The following CST3 variants were observed in gnomAD, a reference collection of about 807,000 sequenced individuals.
CST3 encodes cystatin-C.
Under a neutral mutation model 9.0 loss-of-function variants are expected in CST3, and 14 were observed. That is an observed-to-expected ratio of 1.56 (90% CI 1.03 to 2.44). The LOEUF is 2.44. Among genes scored for constraint, CST3 ranks in the 30% most tolerant of loss-of-function variants. CST3 has a pLI of 0.00. For missense variants in CST3, 237 were observed against 204.3 expected (o/e 1.16, Z -0.98); for synonymous variants, 96 against 90.2 (o/e 1.06, Z -0.37).
At chr20:23,630,959 A>T (rs558680056), downstream of CST3, among the ~76,000 whole-genome samples, 1 of 152,306 alleles carries the variant, frequency 6.6e-6, no homozygotes, top group African/African-American at 2.4e-5. Flanking sequence ...GAAAAGCAGG[A>T]AGGTATTGCA....
chr20:23,637,391 A>G (rs992018883), intron 1 of CST3, among the ~76,000 whole-genome samples: 10 of 152,180 alleles, frequency 6.6e-5, no homozygotes, highest in Non-Finnish European at 1.5e-4. Context: ...AGCTGATCTT[A>G]GGCGCCGGGC....
chr20:23,628,978 T>A (rs1979349339), downstream of CST3: 1 of 152,186 alleles, frequency 6.6e-6, no homozygotes, highest in Admixed American at 6.5e-5. Flanking sequence ...GTCTTTTTTA[T>A]CTTCACACTC....
Position 23,637,711 on chromosome 20 carries a change from C to G in CST3, c.152G>C (p.Arg51Pro). ...CTCGCCGACGGCAAAGTCCAGTGCA[C>G]GCCGCACACCCTCCTCCTCCACGCT... ...DASVEEEGVR[R>P]ALDFAVGEYN... The change falls in exon 1 of 3, where the codon CGT (arginine) becomes CCT (proline). Residue 51 changes from arginine to proline, a missense_variant. By Grantham distance (103) the Arg-to-Pro change is moderately radical. Coordinates refer to ENST00000376925, the MANE Select transcript of CST3 (RefSeq NM_000099.4). The G allele has an allele frequency of 6.5e-7, 1 of 1,544,678 alleles. No individual in the cohort carries two copies. Among genetic ancestry groups the G allele is most frequent in the South Asian group, 1.2e-5 (1 of 83,122 alleles).
At chr20:23,634,985 CAT>C (rs1053754725) in intron 2 of CST3, among the ~76,000 whole-genome samples, 1 of 152,104 alleles carries the variant, frequency 6.6e-6, no homozygotes, top group African/African-American at 2.4e-5. Context: ...CACCCCCACA[CAT>C]ATGTGCACAC....
At chr20:23,635,190 A>C in intron 2 of CST3, 64 bp downstream of exon 2, 2 of 1,336,408 alleles carry the variant, frequency 1.5e-6, no homozygotes, top group Non-Finnish European at 2.1e-6. Context: ...CATCACACAC[A>C]CACACACACA....
chr20:23,631,157 C>T (rs1368025709), downstream of CST3, among the ~76,000 whole-genome samples: 3 of 151,806 alleles, frequency 2.0e-5, no homozygotes, highest in South Asian at 2.1e-4. Context: ...CTAAAAGATA[C>T]AAAAATATTA....
chr20:23,635,337 C>T lies in CST3; in HGVS notation c.274G>A (p.Val92Met), dbSNP rs1236616324. Reference protein sequence around the residue: ...IVAGVNYFLDVELGRTTCTKT... With the variant: ...IVAGVNYFLDMELGRTTCTKT... ...GTACACGTGGTTCGGCCCAGCTCCA[C>T]GTCCAAGAAGTAGTTCACCCCAGCT... Residue 92 changes from valine to methionine, a missense_variant, in exon 2 of 3, where the codon GTG becomes ATG. Transcript: ENST00000376925. 16 of 1,613,576 alleles carry T rather than the reference C, an allele frequency of 9.9e-6. No individual in the cohort carries two copies. The highest frequency in any genetic ancestry group is 4.5e-5 in the East Asian group (2 of 44,872).
At chr20:23,631,910 C>T (rs1311594560), downstream of CST3, 1 of 152,200 alleles carries the variant, frequency 6.6e-6, no homozygotes, top group Non-Finnish European at 1.5e-5. Flanking sequence ...ATACTTAAAT[C>T]AACATTTAAA....
downstream of CST3, chr20:23,629,127 G>A (rs1420004911): frequency 6.6e-6 from 1 of 152,252 alleles, no homozygotes; most frequent in Non-Finnish European, 1.5e-5. Context: ...GAGACCCGCT[G>A]CCCTGACCAG....
chr20:23,635,206 ACC>A lies in CST3; in HGVS notation c.357+46_357+47del, dbSNP rs397838066. On this transcript the variant is annotated intron_variant, in intron 2 of 2. Transcript: ENST00000376925. Reference sequence around the variant, plus strand: ...ATCACACACACACACACACACACACACCCCTCTGCAGTGTATGACTGGCCCTG... The same window carrying A: ...ATCACACACACACACACACACACACACCTCTGCAGTGTATGACTGGCCCTG... The A allele has an allele frequency of 4.3e-6, 6 of 1,386,174 alleles. No homozygotes were observed. The African/African-American group carries it at 5.8e-5, about 13-fold the overall frequency. The allele number at this position is 1,386,174 out of a possible 1,614,324, so 85.9% of individuals were successfully genotyped here.
intron 1 of CST3, 131 bp downstream of exon 1, chr20:23,637,489 G>A: frequency 1.1e-6 from 1 of 928,632 alleles, no homozygotes; most frequent in Non-Finnish European, 1.5e-6. Flanking sequence ...GGGTGACAGC[G>A]AAGACCGGGA....
downstream of CST3, among the ~76,000 whole-genome samples, chr20:23,633,162 G>A (rs184477002): frequency 2.2e-4 from 34 of 152,236 alleles, no homozygotes; most frequent in African/African-American, 7.5e-4. Context: ...TTGTTTCCAC[G>A]TAGGGGCCTA....
chr20:23,630,586 G>A (rs185377206), downstream of CST3, among the ~76,000 whole-genome samples: 9 of 152,190 alleles, frequency 5.9e-5, no homozygotes, highest in Admixed American at 5.2e-4. Flanking sequence ...CTCCAGCTTC[G>A]CCCTGGAGTT....
intron 1 of CST3, among the ~76,000 whole-genome samples, chr20:23,636,526 C>A (rs953028390): frequency 6.6e-6 from 1 of 152,024 alleles, no homozygotes; most frequent in Non-Finnish European, 1.5e-5. Flanking sequence ...GGGTGAAGGC[C>A]GCTAGTCCTA....
intron 1 of CST3, among the ~76,000 whole-genome samples, chr20:23,636,060 G>T (rs1179124665): frequency 6.6e-6 from 1 of 152,100 alleles, no homozygotes; most frequent in East Asian, 1.9e-4. Flanking sequence ...CACAAGCAAG[G>T]CCTGTGATCC....
In CST3 at chr20:23,633,916, C is replaced by T. The variant is rs1317920744; in HGVS notation, c.441G>A (p.Ter147=). ...GCACAGGCCAGCCCGGTACAGACCC[C>T]TAGGCGTCCTGACAGGTGGATTTCG... ...TLSKSTCQDA[*] is the part of the protein sequence containing the mutation. Residue 147 remains the stop codon, a stop_retained_variant, in exon 3 of 3, where the codon TAG becomes TAA. Coordinates refer to ENST00000376925, the MANE Select transcript of CST3 (RefSeq NM_000099.4). The T allele has an allele frequency of 1.9e-6, 3 of 1,613,878 alleles. No individual in the cohort carries two copies. Among genetic ancestry groups the T allele is most frequent in the Admixed American group, 3.3e-5 (2 of 60,026 alleles).
chr20:23,629,734 TGGGGGG>T (rs72386437), downstream of CST3, among the ~76,000 whole-genome samples: 1 of 115,102 alleles, frequency 8.7e-6, no homozygotes, highest in Non-Finnish European at 1.8e-5. Context: ...CAGTGACTGG[TGGGGGG>T]GGGAGGGGGT....
chr20:23,631,038 A>T (rs1042221079), downstream of CST3, among the ~76,000 whole-genome samples: 3 of 152,202 alleles, frequency 2.0e-5, no homozygotes, highest in Non-Finnish European at 4.4e-5. Flanking sequence ...CTAAAAAAAC[A>T]TAATATTTCT....
At chr20:23,634,157 C>G (rs2122471099) in intron 2 of CST3, among the ~76,000 whole-genome samples, 158 bp from the exon 3 acceptor site, 1 of 152,232 alleles carries the variant, frequency 6.6e-6, no homozygotes, top group South Asian at 2.1e-4. Flanking sequence ...CAGAGCACCG[C>G]TGGACTGGGC....
Sources: gnomAD v4.1 joint callset for allele counts (sites outside exome capture counted in the v4.1 genomes callset) on GRCh38, gnomAD v4.1.1 for gene constraint, MANE v1.5 for transcripts, NCBI Gene and HGNC (gene_info 2026-07-23, HGNC 2026-07-21) for gene names.